Variants in TOPAZ1 observed in about 807,000 individuals in gnomAD.
The protein encoded by TOPAZ1 is testis and ovary specific TOPAZ 1, also known as protein TOPAZ1.
A neutral mutation model predicts 172.2 loss-of-function variants in TOPAZ1; 66 were observed. That is an observed-to-expected ratio of 0.38 (90% confidence interval 0.31 to 0.47). TOPAZ1 has a LOEUF of 0.47. Among genes scored for constraint, TOPAZ1 ranks in the 20% least tolerant of loss-of-function variants. The pLI is 0.99. For synonymous variants in TOPAZ1, 681 were observed against 683.9 expected, an observed-to-expected ratio of 1.00 and a Z score of 0.07; for missense variants, 1,822 against 1,972.4, an observed-to-expected ratio of 0.92 and a Z score of 1.44.
chr3:44,329,801 A>C (rs1009386101), intron 19 of TOPAZ1, among the ~76,000 whole-genome samples: 8 of 152,184 alleles, frequency 5.3e-5, no homozygotes, highest in African/African-American at 1.9e-4. Flanking sequence ...GGAAACCCAA[A>C]TATTTTATGA....
Position 44,244,559 on chromosome 3 carries a change from A to C in TOPAZ1, c.2053A>C (p.Thr685Pro). 6.5e-7 allele frequency: 1 copy of C among 1,549,476 alleles called. No individual in the cohort carries two copies. The highest frequency in any genetic ancestry group is 8.7e-7 in the Non-Finnish European group (1 of 1,146,498). The change falls in exon 2 of 20, where the codon ACT becomes CCT. Residue 685 changes from threonine (T) to proline (P), a missense_variant. Transcript: ENST00000309765. ...LVKILNTGRL[T>P]NFKIPLLKNK... ...TAAAATATTGAACACAGGACGGCTG[A>C]CTAATTTTAAAATTCCTTTACTTAA...
At position 44,305,276 on chromosome 3, in the gene TOPAZ1, G is replaced by A; in HGVS notation, c.3994G>A (p.Glu1332Lys). Reference protein sequence around the residue: ...CIAETLTKNYEDERPDIPFCE... With the variant: ...CIAETLTKNYKDERPDIPFCE... The stretch of plus-strand genomic sequence containing the variant: ...TGCTGAAACACTCACAAAAAACTAT[G>A]AAGATGAAAGACCAGATATTCCCTT... The change falls in exon 14 of 20, where the codon GAA becomes AAA. Residue 1332 changes from glutamate (E) to lysine (K), a missense_variant. By Grantham distance (56) the Glu-to-Lys change is moderately conservative. Around this residue, in one of 2 missense-constraint regions of TOPAZ1, gnomAD observed 333 missense variants for 481.7 expected, o/e 0.69. Coordinates refer to ENST00000309765, the MANE Select transcript of TOPAZ1 (RefSeq NM_001145030.2). 1.9e-6 allele frequency: 3 copies of A among 1,543,686 alleles called. No homozygotes were observed. Among genetic ancestry groups the A allele is most frequent in the Non-Finnish European group, 2.6e-6 (3 of 1,144,986 alleles).
intron 5 of TOPAZ1, 36 bp downstream of exon 5, chr3:44,262,519 T>TG: frequency 9.3e-7 from 1 of 1,073,708 alleles, no homozygotes; most frequent in Non-Finnish European, 1.4e-6. Context: ...TAACTTAAAA[T>TG]AGTCACTCAT....
intron 8 of TOPAZ1, among the ~76,000 whole-genome samples, chr3:44,273,868 C>A (rs964070105): frequency 1.3e-5 from 2 of 152,162 alleles, no homozygotes; most frequent in African/African-American, 4.8e-5. Context: ...CAAACAAGAT[C>A]AGAAGAAGCT....
At chr3:44,258,358 T>C (rs948655900) in intron 4 of TOPAZ1, among the ~76,000 whole-genome samples, 3 of 152,168 alleles carry the variant, frequency 2.0e-5, no homozygotes, top group Non-Finnish European at 2.9e-5. Context: ...AACCAGAATA[T>C]TGGCATTAAT....
At chr3:44,255,710 C>T (rs1385263408) in intron 3 of TOPAZ1, among the ~76,000 whole-genome samples, 2 of 112,872 alleles carry the variant, frequency 1.8e-5, no homozygotes, top group South Asian at 3.1e-4. Context: ...CACACACACA[C>T]ACACACACAC....
chr3:44,332,156 TTTA>T, downstream of TOPAZ1: 3 of 586,904 alleles, frequency 5.1e-6, no homozygotes, highest in Non-Finnish European at 8.8e-6. Flanking sequence ...GCACTAAATT[TTTA>T]TTGATATGTA....
At chr3:44,325,643 CT>C (rs747058832) in intron 18 of TOPAZ1, among the ~76,000 whole-genome samples, 1,596 of 143,926 alleles carry the variant, frequency 0.011, 20 homozygotes, top group African/African-American at 0.034. Flanking sequence ...TAGTGACTGG[CT>C]TTTTTTTTTT....
At chr3:44,293,389 C>T (rs1700161469) in intron 12 of TOPAZ1, among the ~76,000 whole-genome samples, 1 of 152,090 alleles carries the variant, frequency 6.6e-6, no homozygotes, top group African/African-American at 2.4e-5. Context: ...GAGATGACAG[C>T]TCCATACTTG....
Position 44,268,433 on chromosome 3 carries a change from A to G in TOPAZ1, c.3161-783A>G, listed in dbSNP as rs1699856574. ...CTATAGCCCAGGCTGGAGTGCAGTG[A>G]TGTGATCTTGGCTCACTACAACCTC... On this transcript the variant is annotated intron_variant, in intron 6 of 19. Coordinates refer to ENST00000309765, the MANE Select transcript of TOPAZ1 (RefSeq NM_001145030.2). Among the ~76,000 whole-genome samples the G allele has an allele frequency of 2.4e-5, 3 of 123,546 alleles. 1 individual carries two copies. In the South Asian group the frequency reaches 8.1e-4, roughly 33 times the overall value. The allele number at this position is 123,546 out of a possible 152,430, so 81.1% of individuals were successfully genotyped here. A position where few individuals can be genotyped will look rare whatever the true frequency, so the allele number is the denominator to read the frequency against.
intron 4 of TOPAZ1, among the ~76,000 whole-genome samples, chr3:44,259,510 A>T (rs1417344243): frequency 6.6e-6 from 1 of 152,206 alleles, no homozygotes; most frequent in South Asian, 2.1e-4. Context: ...CTATATGAAT[A>T]TAATCTAACA....
chr3:44,257,469 AGTGTGTGTGTGTGTGTGTGTGTG>A (rs1459663836), intron 4 of TOPAZ1, among the ~76,000 whole-genome samples: 14 of 113,856 alleles, frequency 1.2e-4, no homozygotes, highest in Admixed American at 6.8e-4. Context: ...ATATATATAT[AGTGTGTGTGTGTGTGTGTGTGTG>A]TGTGTGTGTG....
intron 8 of TOPAZ1, among the ~76,000 whole-genome samples, chr3:44,274,782 G>A (rs1287151646): frequency 2.0e-5 from 3 of 152,010 alleles, no homozygotes; most frequent in African/African-American, 4.8e-5. Flanking sequence ...TTGAACTCCC[G>A]ACCTCAGGTG....
chr3:44,317,344 C>T (rs1257503868), intron 16 of TOPAZ1, among the ~76,000 whole-genome samples: 1 of 152,104 alleles, frequency 6.6e-6, no homozygotes, highest in Non-Finnish European at 1.5e-5. Context: ...TCATTTAAAC[C>T]CGGGAAGCAG....
intron 13 of TOPAZ1, among the ~76,000 whole-genome samples, chr3:44,304,728 C>T (rs749973483): frequency 2.5e-4 from 38 of 151,860 alleles, no homozygotes; most frequent in Non-Finnish European, 4.3e-4. Context: ...ATATGTGGGC[C>T]CAAATTATAA....
chr3:44,308,472 G>T (rs1000001693), intron 15 of TOPAZ1, among the ~76,000 whole-genome samples: 3 of 152,056 alleles, frequency 2.0e-5, no homozygotes, highest in Middle Eastern at 3.4e-3. Context: ...CTTTTTTATG[G>T]CTGCATAGTA....
In TOPAZ1 at chr3:44,244,873, A is replaced by C; in HGVS notation, c.2367A>C (p.Pro789=). The change falls in exon 2 of 20, where the codon CCA becomes CCC. Residue 789 remains proline, a synonymous_variant. Transcript: ENST00000309765. ...NSKPSNHVSE[P]GNIVSNKEVA... ...AACCATCTAATCACGTCTCTGAACC[A>C]GGCAATATTGTTTCTAATAAAGAAG... 1.3e-6 allele frequency: 2 copies of C among 1,551,794 alleles called. No individual in the cohort carries two copies. The highest frequency in any genetic ancestry group is 1.7e-6 in the Non-Finnish European group (2 of 1,147,000).
In TOPAZ1 at chr3:44,244,974, G is replaced by C. The variant is rs1047027472; in HGVS notation, c.2468G>C (p.Cys823Ser). ...GYVEKSPSFC[C>S]NEQETFRPVS... ...GTAGAGAAAAGTCCTTCCTTCTGCT[G>C]TAATGAACAAGAAACATTCCGACCA... Residue 823 changes from cysteine to serine, a missense_variant, in exon 2 of 20, where the codon TGT becomes TCT. By Grantham distance (112) the Cys-to-Ser change is moderately radical (BLOSUM62 -1). Transcript: ENST00000309765. The C allele has an allele frequency of 6.4e-7, 1 of 1,551,706 alleles. No individual in the cohort carries two copies. The highest frequency in any genetic ancestry group is 1.4e-5 in the African/African-American group (1 of 73,174).
intron 5 of TOPAZ1, among the ~76,000 whole-genome samples, chr3:44,264,923 C>T (rs1357210941): frequency 6.6e-6 from 1 of 152,204 alleles, no homozygotes; most frequent in Non-Finnish European, 1.5e-5. Flanking sequence ...TTAGGCTCCA[C>T]TTCTACTTCT....
Sources: allele counts gnomAD v4.1 joint callset (sites outside exome capture counted in the v4.1 genomes callset), GRCh38; gene constraint gnomAD v4.1.1; regional missense constraint gnomAD v4.1.1; transcripts MANE v1.5; gene names NCBI Gene and HGNC (gene_info 2026-07-23, HGNC 2026-07-21).